Variants in LSAMP observed in about 807,000 individuals in gnomAD.
LSAMP encodes the protein limbic system associated membrane protein.
A neutral mutation model predicts 38.6 loss-of-function variants in LSAMP; 7 were observed. The ratio of observed to expected loss-of-function variants is 0.18; its 90% CI spans 0.10 to 0.34. The LOEUF (loss-of-function observed/expected upper bound fraction) is 0.34. LSAMP is among the 10% of genes least tolerant of loss of function. The pLI is 1.00. For synonymous variants in LSAMP, 154 were observed against 166.8 expected (o/e 0.92, Z 0.59); for missense variants, 313 against 420.0 (o/e 0.75, Z 2.23).
At chr3:115,975,718 T>G (rs1277429673) in intron 3 of LSAMP, among the ~76,000 whole-genome samples, 1 of 152,170 alleles carries the variant, frequency 6.6e-6, no homozygotes, top group Non-Finnish European at 1.5e-5. Flanking sequence ...TTTCCCTGTA[T>G]CTTACATTAC....
intron 2 of LSAMP, among the ~76,000 whole-genome samples, chr3:116,027,071 G>T (rs1031684712): frequency 6.6e-6 from 1 of 152,040 alleles, no homozygotes; most frequent in African/African-American, 2.4e-5. Flanking sequence ...TCCAAATATT[G>T]CATGAGACAC....
chr3:116,169,614 A>G (rs1200339584), intron 1 of LSAMP, among the ~76,000 whole-genome samples: 1 of 152,228 alleles, frequency 6.6e-6, no homozygotes, highest in Non-Finnish European at 1.5e-5. Flanking sequence ...CATTCCTCAC[A>G]GAGAAAGCCA....
At chr3:116,208,909 G>C (rs373523951) in intron 1 of LSAMP, among the ~76,000 whole-genome samples, 7 of 152,232 alleles carry the variant, frequency 4.6e-5, no homozygotes, top group African/African-American at 1.4e-4. Flanking sequence ...AGGCCTCCTT[G>C]AGCTGTGGTG....
Position 116,321,994 on chromosome 3 carries a change from G to A in LSAMP, c.155+122883C>T, listed in dbSNP as rs543135290. 3.9e-5 allele frequency among the ~76,000 whole-genome samples: 6 copies of A among 152,300 alleles called. No homozygotes were observed. The East Asian group carries it at 1.2e-3, about 29-fold the overall frequency. On this transcript the variant is annotated intron_variant, in intron 1 of 6. Transcript: ENST00000490035. Reference sequence around the variant, plus strand: ...AAATAATTTGAGGAAGACACATGATGAATACAGTAATTGTTCAAGGAAAAC... The same window carrying A: ...AAATAATTTGAGGAAGACACATGATAAATACAGTAATTGTTCAAGGAAAAC...
chr3:116,386,559 G>A (rs1015280955), intron 1 of LSAMP, among the ~76,000 whole-genome samples: 9 of 152,230 alleles, frequency 5.9e-5, no homozygotes, highest in Middle Eastern at 3.4e-3. Context: ...CGAAGCCTCA[G>A]CCTCCTAGGC....
At chr3:115,922,067 T>C (rs1348071170) in intron 3 of LSAMP, among the ~76,000 whole-genome samples, 1 of 152,220 alleles carries the variant, frequency 6.6e-6, no homozygotes, top group Non-Finnish European at 1.5e-5. Context: ...TGAATTTCTT[T>C]GAATTTATCT....
chr3:116,354,393 A>G (rs1347360238), intron 1 of LSAMP, among the ~76,000 whole-genome samples: 3 of 152,166 alleles, frequency 2.0e-5, no homozygotes, highest in Non-Finnish European at 2.9e-5. Context: ...AGGCCTTGTC[A>G]TTTCAGCCTT....
intron 1 of LSAMP, among the ~76,000 whole-genome samples, chr3:116,162,709 G>A (rs1709926046): frequency 6.7e-6 from 1 of 149,658 alleles, no homozygotes; most frequent in Admixed American, 6.7e-5. Flanking sequence ...TATATATAAA[G>A]TGAAAGCAAA....
At chr3:116,211,362 C>A (rs1214669584) in intron 1 of LSAMP, among the ~76,000 whole-genome samples, 1 of 152,160 alleles carries the variant, frequency 6.6e-6, no homozygotes, top group Non-Finnish European at 1.5e-5. Context: ...ACAAATAAAT[C>A]ATAAATATGT....
chr3:116,073,790 T>C (rs570844623), intron 2 of LSAMP, among the ~76,000 whole-genome samples: 70 of 152,354 alleles, frequency 4.6e-4, no homozygotes, highest in African/African-American at 1.6e-3. Flanking sequence ...AAATGTTTCA[T>C]AAAACATGAT....
At chr3:116,306,577 G>T (rs537807427) in intron 1 of LSAMP, among the ~76,000 whole-genome samples, 34 of 152,118 alleles carry the variant, frequency 2.2e-4, no homozygotes, top group African/African-American at 7.2e-4. Flanking sequence ...GAAAATGTTA[G>T]TTCTTTAACC....
At chr3:115,935,964 A>G (rs1416101705) in intron 3 of LSAMP, among the ~76,000 whole-genome samples, 1 of 152,064 alleles carries the variant, frequency 6.6e-6, no homozygotes, top group Non-Finnish European at 1.5e-5. Context: ...TGATCTGACC[A>G]CACTTCTGCT....
intron 6 of LSAMP, among the ~76,000 whole-genome samples, chr3:115,830,933 C>T (rs576631736): frequency 6.6e-6 from 1 of 152,136 alleles, no homozygotes; most frequent in Non-Finnish European, 1.5e-5. Flanking sequence ...CATGAGTCCC[C>T]CTTAGGGAGA....
intron 1 of LSAMP, among the ~76,000 whole-genome samples, chr3:116,227,049 C>A (rs1040178891): frequency 6.6e-6 from 1 of 152,118 alleles, no homozygotes; most frequent in Admixed American, 6.5e-5. Flanking sequence ...TTGGTTTTGC[C>A]ACTGTGCTTC....
intron 1 of LSAMP, among the ~76,000 whole-genome samples, chr3:116,284,971 C>T (rs2047174027): frequency 1.3e-5 from 2 of 152,142 alleles, no homozygotes; most frequent in South Asian, 4.1e-4. Context: ...GACATCTTTG[C>T]ATTGTGGTGA....
At chr3:115,875,475 A>G (rs1284367162) in intron 3 of LSAMP, among the ~76,000 whole-genome samples, 2 of 152,088 alleles carry the variant, frequency 1.3e-5, no homozygotes, top group Non-Finnish European at 2.9e-5. Flanking sequence ...GTTCAGAATA[A>G]TTACAATATT....
chr3:116,058,461 GAAA>G (rs35849014), intron 2 of LSAMP, among the ~76,000 whole-genome samples: 29 of 137,260 alleles, frequency 2.1e-4, no homozygotes, highest in African/African-American at 4.3e-4. Context: ...ATAAAATTTT[GAAA>G]AAAAAAAAAA....
chr3:116,128,863 A>G (rs1709065173), intron 1 of LSAMP, among the ~76,000 whole-genome samples: 1 of 152,234 alleles, frequency 6.6e-6, no homozygotes, highest in African/African-American at 2.4e-5. Flanking sequence ...GAAAAAGAAC[A>G]TTAAAACAAT....
rs566053182 is a variant in LSAMP, at chr3:116,037,874, G to T, written c.389-18234C>A. Among the ~76,000 whole-genome samples the T allele has an allele frequency of 7.2e-5, 11 of 152,116 alleles. No individual in the cohort carries two copies. The Middle Eastern group carries it at 0.014, about 188-fold the overall frequency. ...ATTGTACTCAACTTCAGTGGTATAA[G>T]CTTATTCTGTTTAGATGAGCATTTT... On this transcript the variant is annotated intron_variant, in intron 2 of 6. Transcript: ENST00000490035.
Sources: allele counts gnomAD v4.1 joint callset (sites outside exome capture counted in the v4.1 genomes callset), GRCh38; gene constraint gnomAD v4.1.1; transcripts MANE v1.5; gene names NCBI Gene and HGNC (gene_info 2026-07-23, HGNC 2026-07-21).